CHST11: variants seen among roughly 807,000 people sequenced by gnomAD.
The protein encoded by CHST11 is C4S-1.
Under a neutral mutation model 30.4 loss-of-function variants are expected in CHST11, and 9 were observed. The observed-to-expected ratio is 0.30, with a 90% CI of 0.18 to 0.52. The LOEUF (loss-of-function observed/expected upper bound fraction) is 0.52. Among genes scored for constraint, CHST11 ranks in the 20% least tolerant of loss-of-function variants. The pLI is 0.97. For missense variants in CHST11, 348 were observed against 460.6 expected (o/e 0.76, Z 2.24); for synonymous variants, 152 against 187.8 (o/e 0.81, Z 1.56).
intron 2 of CHST11, among the ~76,000 whole-genome samples, chr12:104,617,653 G>C (rs2039121431): frequency 6.6e-6 from 1 of 152,138 alleles, no homozygotes; most frequent in Admixed American, 6.5e-5. Context: ...AGCTAACAAG[G>C]CCACAAAGTG....
At chr12:104,734,144 A>G (rs2040279651) in intron 2 of CHST11, among the ~76,000 whole-genome samples, 1 of 152,266 alleles carries the variant, frequency 6.6e-6, no homozygotes, top group African/African-American at 2.4e-5. Flanking sequence ...CACTGGCGCC[A>G]GAGGGGCACA....
At chr12:104,540,731 A>G (rs1414713094) in intron 1 of CHST11, among the ~76,000 whole-genome samples, 1 of 152,182 alleles carries the variant, frequency 6.6e-6, no homozygotes, top group Non-Finnish European at 1.5e-5. Context: ...CCACGGCTCC[A>G]ATCTCTCTAA....
intron 1 of CHST11, among the ~76,000 whole-genome samples, chr12:104,503,441 C>T (rs1472482056): frequency 6.6e-6 from 1 of 152,232 alleles, no homozygotes; most frequent in Non-Finnish European, 1.5e-5. Flanking sequence ...CCTCACTGCA[C>T]ACCTGCACGT....
intron 2 of CHST11, among the ~76,000 whole-genome samples, chr12:104,658,181 G>T (rs1361416722): frequency 6.6e-6 from 1 of 152,226 alleles, no homozygotes; most frequent in Non-Finnish European, 1.5e-5. Flanking sequence ...TGCAATCATT[G>T]CCATGACAAA....
rs117113862 is a variant in CHST11 at position 104,675,043 on chromosome 12, G to C, written c.204+73052G>C. Among the ~76,000 whole-genome samples, 1,146 of 152,224 alleles carry C rather than the reference G, an allele frequency of 7.5e-3. 8 individuals carry two copies. The highest frequency in any genetic ancestry group is 0.013 in the Non-Finnish European group (856 of 68,022). On this transcript the variant is annotated intron_variant, in intron 2 of 2. Coordinates refer to ENST00000303694, the MANE Select transcript of CHST11 (RefSeq NM_018413.6). ...AAGAAAGGTACTGCGTAACTCTTAA[G>C]GTATATTTTTACTATATTTACCTTG...
intron 2 of CHST11, among the ~76,000 whole-genome samples, chr12:104,666,391 G>T (rs71468223): frequency 3.0e-4 from 46 of 152,306 alleles, no homozygotes; most frequent in Non-Finnish European, 4.3e-4. Context: ...GAAGATTGGG[G>T]TTATTGTGAA....
chr12:104,638,690 T>C (rs1322469580), intron 2 of CHST11, among the ~76,000 whole-genome samples: 2 of 152,222 alleles, frequency 1.3e-5, no homozygotes, highest in Non-Finnish European at 2.9e-5. Context: ...GGGACATTTG[T>C]CTCAAGTTCC....
chr12:104,592,673 C>T (rs1296969875), intron 1 of CHST11, among the ~76,000 whole-genome samples: 1 of 152,210 alleles, frequency 6.6e-6, no homozygotes, highest in Non-Finnish European at 1.5e-5. Context: ...AGGATACTTT[C>T]CCTAACCACG....
chr12:104,623,718 CAA>C (rs547796323), intron 2 of CHST11, among the ~76,000 whole-genome samples: 1 of 138,522 alleles, frequency 7.2e-6, no homozygotes, highest in Non-Finnish European at 1.6e-5. Context: ...GACTCCATCT[CAA>C]AAAAAAAAAA....
chr12:104,674,107 C>T (rs146420990), intron 2 of CHST11, among the ~76,000 whole-genome samples: 299 of 152,304 alleles, frequency 2.0e-3, no homozygotes, highest in Non-Finnish European at 3.5e-3. Flanking sequence ...AGACTGCGGT[C>T]CCAGAGCAGG....
rs898638847 is a variant in CHST11, at chr12:104,472,765, T to C, written c.118+15236T>C. ...ACTGTGAAGGAAAGGGAGAGGAGGG[T>C]GATTGATTTTGGTGGTGGTGGTGAT... On this transcript the variant is annotated intron_variant, in intron 1 of 2. Coordinates refer to ENST00000303694, the MANE Select transcript of CHST11 (RefSeq NM_018413.6). Among the ~76,000 whole-genome samples the C allele has an allele frequency of 1.9e-4, 29 of 150,748 alleles. 2 individuals carry two copies. The highest frequency in any genetic ancestry group is 1.1e-3 in the Admixed American group (16 of 15,118).
intron 1 of CHST11, among the ~76,000 whole-genome samples, chr12:104,469,191 A>G (rs1264037369): frequency 6.6e-6 from 1 of 152,198 alleles, no homozygotes; most frequent in Non-Finnish European, 1.5e-5. Flanking sequence ...TATAAGTGTG[A>G]GGCTCCTGTG....
intron 1 of CHST11, among the ~76,000 whole-genome samples, chr12:104,502,202 A>AT (rs1392651665): frequency 1.3e-5 from 2 of 151,392 alleles, no homozygotes; most frequent in Non-Finnish European, 2.9e-5. Context: ...TAATTTTTAC[A>AT]TTTTTTTGTA....
At chr12:104,562,787 C>T (rs2038526534) in intron 1 of CHST11, among the ~76,000 whole-genome samples, 1 of 152,132 alleles carries the variant, frequency 6.6e-6, no homozygotes, top group Non-Finnish European at 1.5e-5. Flanking sequence ...GGGGGCCCTA[C>T]CTGAGCATGA....
At chr12:104,744,435 A>C (rs2040372732) in intron 2 of CHST11, among the ~76,000 whole-genome samples, 2 of 151,860 alleles carry the variant, frequency 1.3e-5, no homozygotes, top group Admixed American at 1.3e-4. Flanking sequence ...TCCTCTGCCC[A>C]CTTTTTTATG....
At chr12:104,656,766 G>A (rs1244337095) in intron 2 of CHST11, among the ~76,000 whole-genome samples, 2 of 152,196 alleles carry the variant, frequency 1.3e-5, no homozygotes, top group Admixed American at 6.5e-5. Flanking sequence ...CTGGTTTAAA[G>A]CCAGAGACAG....
At position 104,759,058 on chromosome 12, in the gene CHST11, T is replaced by G. The variant is rs776294386; in HGVS notation, c.*1255T>G. 2.6e-5 allele frequency: 4 copies of G among 152,186 alleles called. No homozygotes were observed. The highest frequency in any genetic ancestry group is 4.4e-5 in the Non-Finnish European group (3 of 68,030). The allele number at this position is 152,186 out of a possible 1,614,324, so 9.4% of individuals were successfully genotyped here. On this transcript the variant is annotated 3_prime_UTR_variant, in exon 3 of 3. Transcript: ENST00000303694. ...AGCACCACATCCCCATGTAGAAGTG[T>G]TGTCTTCTACTGCTTGCCACGTACA...
intron 1 of CHST11, among the ~76,000 whole-genome samples, chr12:104,487,556 C>G (rs1005663436): frequency 2.0e-5 from 3 of 152,242 alleles, no homozygotes; most frequent in African/African-American, 7.2e-5. Flanking sequence ...GCCATTGCTC[C>G]TGGCATTGTC....
intron 2 of CHST11, among the ~76,000 whole-genome samples, chr12:104,664,651 C>T (rs1366889533): frequency 1.3e-5 from 2 of 152,222 alleles, no homozygotes; most frequent in South Asian, 2.1e-4. Context: ...GCCCCAGTCC[C>T]CTCCTCGGAC....
Sources: gnomAD v4.1 joint callset for allele counts (sites outside exome capture counted in the v4.1 genomes callset) on GRCh38, gnomAD v4.1.1 for gene constraint, MANE v1.5 for transcripts, NCBI Gene and HGNC (gene_info 2026-07-23, HGNC 2026-07-21) for gene names.